MAP2: variants seen among roughly 807,000 people sequenced by gnomAD.
The protein encoded by MAP2 is microtubule-associated protein 2.
A neutral mutation model predicts 137.6 loss-of-function variants in MAP2; 14 were observed. The observed-to-expected ratio is 0.10, with a 90% CI of 0.07 to 0.16. The LOEUF (loss-of-function observed/expected upper bound fraction) is 0.16, where lower values mean the gene tolerates loss of function less well. MAP2 is among the 10% of genes least tolerant of loss of function. The probability of loss-of-function intolerance (pLI) is 1.00; values close to 1 mark genes in which losing one functional copy is unlikely to be tolerated. For missense variants in MAP2, 2,088 were observed against 2,191.5 expected (o/e 0.95, Z 0.94); for synonymous variants, 786 against 782.3 (o/e 1.00, Z -0.08).
chr2:209,565,472 G>A (rs767216249), intron 2 of MAP2, among the ~76,000 whole-genome samples: 15 of 151,732 alleles, frequency 9.9e-5, no homozygotes, highest in Admixed American at 3.9e-4. Context: ...CTCCCACTTC[G>A]GTCTCCCAAA....
chr2:209,625,965 A>G (rs10174634), intron 4 of MAP2, among the ~76,000 whole-genome samples: 9,863 of 152,182 alleles, frequency 0.065, 574 homozygotes, highest in African/African-American at 0.15. Context: ...ATTATAAATG[A>G]ATGATTTCTT....
intron 6 of MAP2, among the ~76,000 whole-genome samples, 167 bp downstream of exon 6, chr2:209,678,852 C>T (rs2153684406): frequency 6.6e-6 from 1 of 152,150 alleles, no homozygotes; most frequent in Middle Eastern, 3.4e-3. Context: ...CATCTTTTTC[C>T]ACTGGTTTGT....
intron 3 of MAP2, among the ~76,000 whole-genome samples, chr2:209,580,883 A>G (rs2076255759): frequency 6.6e-6 from 1 of 152,210 alleles, no homozygotes; most frequent in Admixed American, 6.5e-5. Flanking sequence ...GTTAATATCA[A>G]TAAAACCTAT....
rs79483767 is a variant in MAP2 at position 209,539,329 on chromosome 2, G to T, written c.-172+31688G>T. On this transcript the variant is annotated intron_variant, in intron 2 of 15. Coordinates refer to ENST00000682079, the MANE Select transcript of MAP2 (RefSeq NM_001375505.1). ...GCATTCTGTATGTAGTGAATTGTTGGGTCTAATTAATTATATATTTACCTC... is the reference window on the plus strand; with the variant it reads ...GCATTCTGTATGTAGTGAATTGTTGTGTCTAATTAATTATATATTTACCTC... Among the ~76,000 whole-genome samples the T allele has an allele frequency of 4.6e-4, 70 of 152,178 alleles. No individual in the cohort carries two copies. The East Asian group carries it at 0.011, about 25-fold the overall frequency.
At chr2:209,608,589 T>C (rs541896842) in intron 3 of MAP2, among the ~76,000 whole-genome samples, 21 of 152,178 alleles carry the variant, frequency 1.4e-4, no homozygotes, top group Non-Finnish European at 2.6e-4. Flanking sequence ...CATTGGTCCA[T>C]CCCAAAACTA....
intron 13 of MAP2, among the ~76,000 whole-genome samples, chr2:209,714,778 A>G (rs552852532): frequency 6.6e-6 from 1 of 152,330 alleles, no homozygotes; most frequent in Non-Finnish European, 1.5e-5. Flanking sequence ...CATTACCTGC[A>G]TCTTGCATAT....
chr2:209,644,852 G>A (rs1487351471), intron 4 of MAP2, among the ~76,000 whole-genome samples: 1 of 151,372 alleles, frequency 6.6e-6, no homozygotes, highest in Non-Finnish European at 1.5e-5. Context: ...GTAGAAATGA[G>A]AAAATTGTTT....
chr2:209,606,756 G>T (rs1439317485), intron 3 of MAP2, among the ~76,000 whole-genome samples: 3 of 152,018 alleles, frequency 2.0e-5, no homozygotes, highest in African/African-American at 7.2e-5. Flanking sequence ...ATTTGATTTT[G>T]CATATATGAG....
chr2:209,715,204 T>G (rs1475717978), intron 13 of MAP2, among the ~76,000 whole-genome samples: 1 of 152,046 alleles, frequency 6.6e-6, no homozygotes, highest in African/African-American at 2.4e-5. Flanking sequence ...AAATTAAGGT[T>G]TTAAAATAGA....
At chr2:209,639,023 G>A (rs1045384192) in intron 4 of MAP2, among the ~76,000 whole-genome samples, 2 of 152,084 alleles carry the variant, frequency 1.3e-5, no homozygotes, top group Non-Finnish European at 2.9e-5. Context: ...TTGCTTTCTA[G>A]TATATAATTC....
At chr2:209,475,301 T>C (rs935520336) in intron 1 of MAP2, among the ~76,000 whole-genome samples, 1 of 152,084 alleles carries the variant, frequency 6.6e-6, no homozygotes, top group Non-Finnish European at 1.5e-5. Context: ...GGTAAAAATA[T>C]ATAAACTGTG....
At chr2:209,494,641 A>G (rs1197155855) in intron 1 of MAP2, among the ~76,000 whole-genome samples, 1 of 152,180 alleles carries the variant, frequency 6.6e-6, no homozygotes, top group Admixed American at 6.5e-5. Context: ...AATCATACAA[A>G]TGGACAACCA....
At chr2:209,535,069 C>G (rs762801280) in intron 2 of MAP2, among the ~76,000 whole-genome samples, 2 of 152,098 alleles carry the variant, frequency 1.3e-5, no homozygotes, top group Non-Finnish European at 2.9e-5. Flanking sequence ...CCTCCCCACC[C>G]TTTCATGTCC....
chr2:209,631,980 CT>C (rs1362685423), intron 4 of MAP2, among the ~76,000 whole-genome samples: 1 of 152,114 alleles, frequency 6.6e-6, no homozygotes, highest in East Asian at 1.9e-4. Flanking sequence ...GGGGCATGCA[CT>C]TTATTCATTA....
At chr2:209,677,411 C>G (rs567165856) in intron 5 of MAP2, among the ~76,000 whole-genome samples, 1 of 131,884 alleles carries the variant, frequency 7.6e-6, no homozygotes, top group African/African-American at 3.6e-5. Context: ...GATAGACAGA[C>G]AGACAGACAG....
Position 209,692,871 on chromosome 2 carries a change from T to A in MAP2, c.701T>A (p.Leu234Gln), listed in dbSNP as rs2059308468. Reference sequence around the variant, plus strand: ...TTTGGGCACACTCTTGTTGCCAGCCTGGAAGACATGAAACAGAAGACAGAA... The same window carrying A: ...TTTGGGCACACTCTTGTTGCCAGCCAGGAAGACATGAAACAGAAGACAGAA... ...ALFGHTLVAS[L>Q]EDMKQKTEPS... The change falls in exon 8 of 16, where the codon CTG (leucine) becomes CAG (glutamine). Residue 234 changes from leucine to glutamine, a missense_variant. Physicochemically the swap from Leu to Gln is moderately radical, Grantham distance 113. Around this residue, in one of 6 missense-constraint regions of MAP2, gnomAD observed 859 missense variants for 794.5 expected, o/e 1.08. Transcript: ENST00000682079. The A allele has an allele frequency of 6.2e-7, 1 of 1,613,806 alleles. No individual in the cohort carries two copies. The highest frequency in any genetic ancestry group is 1.3e-5 in the African/African-American group (1 of 74,884).
chr2:209,482,310 C>T (rs1425044089), intron 1 of MAP2, among the ~76,000 whole-genome samples: 6 of 152,060 alleles, frequency 3.9e-5, no homozygotes, highest in African/African-American at 9.7e-5. Flanking sequence ...AAATGACTGT[C>T]AGTAAGTTAA....
intron 2 of MAP2, among the ~76,000 whole-genome samples, chr2:209,515,655 A>T (rs2062387203): frequency 6.6e-6 from 1 of 152,094 alleles, no homozygotes. Flanking sequence ...TGGAGATTAA[A>T]ATTTGAGGTA....
intron 7 of MAP2, among the ~76,000 whole-genome samples, chr2:209,687,868 G>A (rs756192365): frequency 4.6e-5 from 7 of 152,146 alleles, no homozygotes; most frequent in Non-Finnish European, 7.3e-5. Flanking sequence ...GGAGTACTAT[G>A]AGCATCCTTT....
Sources: gnomAD v4.1 joint callset for allele counts (sites outside exome capture counted in the v4.1 genomes callset) on GRCh38, gnomAD v4.1.1 for gene constraint, gnomAD v4.1.1 regional missense constraint, MANE v1.5 for transcripts, NCBI Gene and HGNC (gene_info 2026-07-23, HGNC 2026-07-21) for gene names.